The following FRMPD4 variants were observed in gnomAD, a reference collection of about 807,000 sequenced individuals.
FRMPD4 encodes FERM and PDZ domain-containing protein 4.
Under a neutral mutation model 94.1 loss-of-function variants are expected in FRMPD4, and 22 were observed. The ratio of observed to expected loss-of-function variants is 0.23; its 90% confidence interval spans 0.17 to 0.33. FRMPD4 has a LOEUF of 0.33. Ranked by LOEUF, FRMPD4 falls within the 10% of genes least tolerant of loss-of-function variation. The pLI is 1.00. For missense variants in FRMPD4, 1,111 were observed against 1,339.9 expected, an observed-to-expected ratio of 0.83 and a Z score of 2.67; for synonymous variants, 631 against 548.6, an observed-to-expected ratio of 1.15 and a Z score of -2.10.
chrX:12,480,911 A>G (rs1306404435), intron 1 of FRMPD4, among the ~76,000 whole-genome samples: 3 of 111,883 alleles, frequency 2.7e-5, no homozygotes, highest in African/African-American at 9.8e-5. Context: ...TCAGTTTTGC[A>G]CTTGTTTGTT....
intron 3 of FRMPD4, among the ~76,000 whole-genome samples, chrX:11,910,953 A>G (rs1377949555): frequency 3.6e-5 from 4 of 110,403 alleles, no homozygotes; most frequent in African/African-American, 1.3e-4. Context: ...AAAAAAAAAC[A>G]TCTTCCAAGA....
rs1348193998 is a variant in FRMPD4, at chrX:12,716,745, G to T, written c.2286G>T (p.Val762=). Residue 762 remains valine, a synonymous_variant, in exon 15 of 17, where the codon GTG becomes GTT. Transcript: ENST00000675598. ...TGAGCTGCGAGGAGGACCTCGTGGT[G>T]GGGGAGATGAACCAGCCGGCCATCC... ...DEVSCEEDLV[V]GEMNQPAILN... 1.7e-6 allele frequency: 2 copies of T among 1,211,266 alleles called. No individual in the cohort carries two copies. The highest frequency in any genetic ancestry group is 3.0e-5 in the East Asian group (1 of 33,860).
At chrX:11,952,796 G>A (rs141906861) in intron 3 of FRMPD4, among the ~76,000 whole-genome samples, 257 of 111,826 alleles carry the variant, frequency 2.3e-3, no homozygotes, top group African/African-American at 7.7e-3. Flanking sequence ...AAGGATGGCT[G>A]GATAATGAAT....
At position 12,204,382 on chromosome X, in the gene FRMPD4, G is replaced by A. The variant is rs184415660; in HGVS notation, c.41+65370G>A. 8.8e-3 allele frequency among the ~76,000 whole-genome samples: 990 copies of A among 112,121 alleles called. 9 individuals are homozygous for A. Among genetic ancestry groups the A allele is most frequent in the African/African-American group, 0.029 (899 of 30,882 alleles). On this transcript the variant is annotated intron_variant, in intron 1 of 16. Transcript: ENST00000675598. ...ATTCTAGGCTGTGGTGGGACTGCCT[G>A]CCCTCAGGTACCCTTGGATACTGTT... is the stretch of plus-strand genomic sequence containing the variant.
chrX:11,918,431 C>A (rs1464117418), intron 3 of FRMPD4, among the ~76,000 whole-genome samples: 1 of 110,657 alleles, frequency 9.0e-6, no homozygotes, highest in Non-Finnish European at 1.9e-5. Context: ...ATGGTGAAAC[C>A]CCGTCTCTAC....
At chrX:12,562,060 T>A (rs2058665134) in intron 2 of FRMPD4, among the ~76,000 whole-genome samples, 1 of 111,970 alleles carries the variant, frequency 8.9e-6, no homozygotes, top group South Asian at 3.7e-4. Flanking sequence ...TTCAGTCTCT[T>A]GAAGTAAGCC....
At chrX:11,949,280 A>T (rs939298657) in intron 3 of FRMPD4, among the ~76,000 whole-genome samples, 1 of 112,243 alleles carries the variant, frequency 8.9e-6, no homozygotes, top group African/African-American at 3.2e-5. Flanking sequence ...CCGTTCCCTT[A>T]TGAACTGACT....
intron 1 of FRMPD4, among the ~76,000 whole-genome samples, chrX:11,863,052 T>C (rs2053697854): frequency 1.9e-5 from 2 of 106,245 alleles, no homozygotes; most frequent in Non-Finnish European, 1.9e-5. Flanking sequence ...CGTGCAGGTT[T>C]GTTACATATG....
At chrX:12,144,697 A>G (rs1225257780) in intron 1 of FRMPD4, among the ~76,000 whole-genome samples, 1 of 109,244 alleles carries the variant, frequency 9.2e-6, no homozygotes, top group East Asian at 2.8e-4. Flanking sequence ...GTTAAAAGTA[A>G]ATAGCCTGCT....
chrX:12,010,713 T>G (rs771052311), intron 3 of FRMPD4, among the ~76,000 whole-genome samples: 1 of 112,692 alleles, frequency 8.9e-6, no homozygotes, highest in South Asian at 3.7e-4. Flanking sequence ...ATAGATGATG[T>G]GCAATTAAAA....
At position 12,706,923 on chromosome X, in the gene FRMPD4, C is replaced by CTT. The variant is rs746601138; in HGVS notation, c.1287+25_1287+26dup. 5,800 of 602,364 alleles carry CTT rather than the reference C, an allele frequency of 9.6e-3. 49 individuals are homozygous for CTT. Among genetic ancestry groups the CTT allele is most frequent in the African/African-American group, 0.048 (1,677 of 35,084 alleles). 49.6% of individuals were successfully genotyped at this position (602,364 alleles called of 1,213,427 possible). A position where few individuals can be genotyped will look rare whatever the true frequency, so the allele number is the denominator to read the frequency against. Reference sequence around the variant, plus strand: ...TTCAAGGCAACATTAGTGGTAATTTCTTTTTTTTTTTTTTTTTTGCTTTCT... The same window carrying CTT: ...TTCAAGGCAACATTAGTGGTAATTTCTTTTTTTTTTTTTTTTTTTTGCTTTCT... On this transcript the variant is annotated intron_variant, in intron 12 of 16. Transcript: ENST00000675598.
chrX:11,898,137 G>A (rs2053914518), intron 3 of FRMPD4, among the ~76,000 whole-genome samples: 2 of 111,338 alleles, frequency 1.8e-5, no homozygotes, highest in South Asian at 7.6e-4. Context: ...GTGTATTGGG[G>A]GTATGGGGGG....
intron 1 of FRMPD4, among the ~76,000 whole-genome samples, chrX:12,428,066 T>C (rs1025414670): frequency 2.7e-5 from 3 of 109,301 alleles, no homozygotes; most frequent in South Asian, 4.0e-4. Context: ...CCCGCCACCA[T>C]GCCCAGCTAA....
At position 12,472,885 on chromosome X, in the gene FRMPD4, C is replaced by A. The variant is rs1221644234; in HGVS notation, c.42-25795C>A. ...GAGAATGGAACCAAGTTGGAAAACACTCTGCAGGATATTATCCAGGAGAAC... is the reference window on the plus strand; with the variant it reads ...GAGAATGGAACCAAGTTGGAAAACAATCTGCAGGATATTATCCAGGAGAAC... On this transcript the variant is annotated intron_variant, in intron 1 of 16. Transcript: ENST00000675598. Among the ~76,000 whole-genome samples the A allele has an allele frequency of 4.5e-5, 5 of 111,209 alleles. No individual in the cohort carries two copies. The South Asian group carries it at 1.5e-3, about 33-fold the overall frequency.
chrX:12,170,159 T>A (rs191187660), intron 1 of FRMPD4, among the ~76,000 whole-genome samples: 1 of 106,016 alleles, frequency 9.4e-6, no homozygotes, highest in African/African-American at 3.5e-5. Flanking sequence ...TTAGACACTC[T>A]TATCTTTCCA....
chrX:12,674,802 T>G, intron 4 of FRMPD4, 61 bp from the exon 5 acceptor site: 9 of 724,221 alleles, frequency 1.2e-5, no homozygotes, highest in Non-Finnish European at 2.0e-5. Context: ...AAGAAAACTC[T>G]TACTAGTTAG....
chrX:12,364,867 G>T (rs1380586074), intron 1 of FRMPD4, among the ~76,000 whole-genome samples: 1 of 112,067 alleles, frequency 8.9e-6, no homozygotes, highest in Non-Finnish European at 1.9e-5. Context: ...ATTCTCATTG[G>T]TTGGTTGATT....
In FRMPD4 at chrX:12,202,845, C is replaced by T. The variant is rs775817951; in HGVS notation, c.41+63833C>T. 3.2e-4 allele frequency among the ~76,000 whole-genome samples: 36 copies of T among 111,655 alleles called. 1 individual carries two copies. The East Asian group carries it at 8.5e-3, about 26-fold the overall frequency. On this transcript the variant is annotated intron_variant, in intron 1 of 16. Coordinates refer to ENST00000675598, the MANE Select transcript of FRMPD4 (RefSeq NM_001368397.1). ...AACAGAGGCTGAGATAGAAGTGATG[C>T]AACTCCAAGAAAAGGAATGCCAAGG... is the stretch of plus-strand genomic sequence containing the variant.
chrX:12,306,037 C>T (rs1430317576), intron 1 of FRMPD4, among the ~76,000 whole-genome samples: 2 of 100,182 alleles, frequency 2.0e-5, no homozygotes, highest in Non-Finnish European at 2.0e-5. Flanking sequence ...TATACTTTCA[C>T]AGGAGATTTT....
Sources: allele counts gnomAD v4.1 joint callset (sites outside exome capture counted in the v4.1 genomes callset), GRCh38; gene constraint gnomAD v4.1.1; transcripts MANE v1.5; gene names NCBI Gene and HGNC (gene_info 2026-07-23, HGNC 2026-07-21).